COLEC11: variants seen among roughly 807,000 people sequenced by gnomAD.
COLEC11 encodes the protein collectin subfamily member 11.
Under a neutral mutation model 27.3 loss-of-function variants are expected in COLEC11, and 20 were observed. The observed-to-expected ratio is 0.73, with a 90% CI of 0.51 to 1.06. The LOEUF (loss-of-function observed/expected upper bound fraction) is 1.06. COLEC11 is among the 50% of genes least tolerant of loss of function. The pLI is 0.00. For missense variants in COLEC11, 310 were observed against 383.0 expected, an observed-to-expected ratio of 0.81 and a Z score of 1.59; for synonymous variants, 163 against 154.7, an observed-to-expected ratio of 1.05 and a Z score of -0.40.
chr2:3,614,488 C>G (rs1291656242), intron 3 of COLEC11, among the ~76,000 whole-genome samples: 1 of 151,998 alleles, frequency 6.6e-6, no homozygotes, highest in African/African-American at 2.4e-5. Context: ...CAGTTTTGAC[C>G]ATTGCCCTCG....
chr2:3,616,080 G>A (rs1452670477), intron 3 of COLEC11, among the ~76,000 whole-genome samples: 66 of 150,266 alleles, frequency 4.4e-4, no homozygotes, highest in Non-Finnish European at 8.8e-4. Context: ...CCTCCCAGAC[G>A]GGGTGGCGGT....
intron 2 of COLEC11, chr2:3,605,014 A>T: frequency 2.1e-6 from 1 of 470,364 alleles, no homozygotes; most frequent in Middle Eastern, 3.3e-4. Context: ...GGATAGAGAT[A>T]GTTCTGCAGG....
intron 3 of COLEC11, among the ~76,000 whole-genome samples, chr2:3,635,891 T>C (rs903389488): frequency 3.3e-5 from 5 of 152,258 alleles, no homozygotes; most frequent in African/African-American, 1.2e-4. Context: ...CATAGCCAGA[T>C]AAGAGAATGC....
rs80316512 is a variant in COLEC11, at chr2:3,621,648, T to C, written c.202+8266T>C. The stretch of plus-strand genomic sequence containing the variant: ...CTCTCTTGCTGTTTTCCTTTGTGGT[T>C]TGATAATTTTCTGTAGTAGTATGCA... On this transcript the variant is annotated intron_variant, in intron 3 of 6. Coordinates refer to ENST00000349077, the MANE Select transcript of COLEC11 (RefSeq NM_024027.5). Among the ~76,000 whole-genome samples the C allele has an allele frequency of 3.7e-3, 566 of 152,342 alleles. 3 individuals are homozygous for C. The highest frequency in any genetic ancestry group is 0.013 in the African/African-American group (555 of 41,580).
At chr2:3,626,698 C>G (rs1035049953) in intron 3 of COLEC11, among the ~76,000 whole-genome samples, 1 of 152,220 alleles carries the variant, frequency 6.6e-6, no homozygotes, top group African/African-American at 2.4e-5. Flanking sequence ...GTGCTCTGTT[C>G]TGGATAATGT....
chr2:3,629,715 T>C (rs143795826), intron 3 of COLEC11, among the ~76,000 whole-genome samples: 1,614 of 152,308 alleles, frequency 0.011, 31 homozygotes, highest in African/African-American at 0.036. Flanking sequence ...TGCCTTTGTC[T>C]ATGTATGTGC....
intron 4 of COLEC11, among the ~76,000 whole-genome samples, chr2:3,638,579 A>G (rs1665613685): frequency 6.6e-6 from 1 of 152,094 alleles, no homozygotes; most frequent in South Asian, 2.1e-4. Flanking sequence ...GGGGGTTCTC[A>G]TGGTTTGTTC....
intron 2 of COLEC11, chr2:3,606,264 G>A (rs1034828566): frequency 6.5e-7 from 1 of 1,544,328 alleles, no homozygotes; most frequent in Non-Finnish European, 8.8e-7. Flanking sequence ...TGCACTGGTG[G>A]GGGCCGTGGG....
intron 1 of COLEC11, among the ~76,000 whole-genome samples, chr2:3,597,839 C>T (rs13017757): frequency 0.31 from 47,118 of 152,082 alleles, 7,957 homozygotes; most frequent in African/African-American, 0.45. Flanking sequence ...GGGGAGACTA[C>T]GGTTATGAGC....
In COLEC11 at chr2:3,644,084, A is replaced by G; in HGVS notation, c.782A>G (p.Tyr261Cys). The change falls in exon 7 of 7, where the codon TAC becomes TGC. Residue 261 changes from tyrosine to cysteine, a missense_variant. Tyr to Cys is a radical substitution (Grantham distance 194, BLOSUM62 -2). Transcript: ENST00000349077. ...WNDVACHTTM[Y>C]FMCEFDKENM is the part of the protein sequence containing the mutation. ...GACGTGGCCTGCCACACCACCATGT[A>G]CTTCATGTGTGAGTTTGACAAGGAG... is the stretch of plus-strand genomic sequence containing the variant. 11 of 1,613,466 alleles carry G rather than the reference A, an allele frequency of 6.8e-6. No individual in the cohort carries two copies. Among genetic ancestry groups the G allele is most frequent in the Non-Finnish European group, 8.5e-6 (10 of 1,180,048 alleles).
At chr2:3,617,471 G>A in intron 3 of COLEC11, 1 of 1,352,292 alleles carries the variant, frequency 7.4e-7, no homozygotes, top group Non-Finnish European at 1.1e-6. Context: ...ATCTTACAAA[G>A]CTAAACAGCT....
intron 1 of COLEC11, 84 bp from the exon 2 acceptor site, chr2:3,604,231 C>A: frequency 6.7e-7 from 1 of 1,493,456 alleles, no homozygotes; most frequent in South Asian, 1.2e-5. Flanking sequence ...GAGGGCTACA[C>A]CCCTTGCCTC....
intron 3 of COLEC11, among the ~76,000 whole-genome samples, chr2:3,629,529 G>T (rs1664813109): frequency 6.6e-6 from 1 of 152,216 alleles, no homozygotes; most frequent in African/African-American, 2.4e-5. Context: ...TGCATGTATA[G>T]TTGTATGTAT....
rs777019867 is a variant in COLEC11 at position 3,643,759 on chromosome 2, A to C, written c.457A>C (p.Ile153Leu). 4 of 1,613,686 alleles carry C rather than the reference A, an allele frequency of 2.5e-6. No homozygotes were observed. The highest frequency in any genetic ancestry group is 3.4e-6 in the Non-Finnish European group (4 of 1,179,948). The change falls in exon 7 of 7, where the codon ATC becomes CTC. Residue 153 changes from isoleucine (I) to leucine (L), a missense_variant. Ile to Leu is a conservative substitution (Grantham distance 5). Coordinates refer to ENST00000349077, the MANE Select transcript of COLEC11 (RefSeq NM_024027.5). Reference sequence around the variant, plus strand: ...CGGTGTGCGCGAGACGGAGAGCAAGATCTACCTGCTGGTGAAGGAGGAGAA... The same window carrying C: ...CGGTGTGCGCGAGACGGAGAGCAAGCTCTACCTGCTGGTGAAGGAGGAGAA... ...VAGVRETESK[I>L]YLLVKEEKRY...
intron 3 of COLEC11, among the ~76,000 whole-genome samples, chr2:3,618,269 C>T (rs1187089192): frequency 6.6e-6 from 1 of 152,142 alleles, no homozygotes; most frequent in Non-Finnish European, 1.5e-5. Flanking sequence ...AAATCATTGC[C>T]AAGACCAATG....
chr2:3,629,475 CT>C (rs1558510096), intron 3 of COLEC11, among the ~76,000 whole-genome samples: 1 of 152,142 alleles, frequency 6.6e-6, no homozygotes, highest in Non-Finnish European at 1.5e-5. Context: ...TAAAAGTAGG[CT>C]TATGTACATG....
At chr2:3,615,911 TC>T (rs1464798907) in intron 3 of COLEC11, among the ~76,000 whole-genome samples, 1 of 126,110 alleles carries the variant, frequency 7.9e-6, no homozygotes, top group Non-Finnish European at 1.7e-5. Flanking sequence ...GCCCCCCACC[TC>T]CCTCCCGGAC....
At chr2:3,622,532 TGA>T (rs1664258864) in intron 3 of COLEC11, among the ~76,000 whole-genome samples, 1 of 152,238 alleles carries the variant, frequency 6.6e-6, no homozygotes, top group African/African-American at 2.4e-5. Context: ...GTAATAGTAT[TGA>T]GAGAGTGGGC....
At position 3,596,891 on chromosome 2, in the gene COLEC11, C is replaced by T. The variant is rs116404979; in HGVS notation, c.-27+1723C>T. Among the ~76,000 whole-genome samples the T allele has an allele frequency of 1.5e-3, 235 of 152,366 alleles. 1 individual carries two copies. The highest frequency in any genetic ancestry group is 5.1e-3 in the African/African-American group (211 of 41,590). On this transcript the variant is annotated intron_variant, in intron 1 of 6. Transcript: ENST00000349077. ...TCTGGGAAGCAGAGACTCCTTCGGG[C>T]GCCTGGGTGCCCTCACCCTGTGCCT...
Sources: gnomAD v4.1 joint callset for allele counts (sites outside exome capture counted in the v4.1 genomes callset) on GRCh38, gnomAD v4.1.1 for gene constraint, MANE v1.5 for transcripts, NCBI Gene and HGNC (gene_info 2026-07-23, HGNC 2026-07-21) for gene names.